The following RTN4IP1 variants were observed in gnomAD, a reference collection of about 807,000 sequenced individuals.
RTN4IP1 encodes the protein NAD(P)H oxidoreductase RTN4IP1, mitochondrial.
Under a neutral mutation model 46.6 loss-of-function variants are expected in RTN4IP1, and 32 were observed. The observed-to-expected ratio is 0.69, with a 90% CI of 0.52 to 0.92. RTN4IP1 has a LOEUF of 0.92. Among genes scored for constraint, RTN4IP1 ranks in the 40% least tolerant of loss-of-function variants. RTN4IP1 has a pLI of 0.00. For synonymous variants in RTN4IP1, 167 were observed against 161.8 expected (o/e 1.03, Z -0.24); for missense variants, 424 against 485.8 (o/e 0.87, Z 1.20).
chr6:106,574,019 C>T (rs1296081932), intron 8 of RTN4IP1, among the ~76,000 whole-genome samples: 1 of 152,220 alleles, frequency 6.6e-6, no homozygotes, highest in Non-Finnish European at 1.5e-5. Context: ...CCACTGCAGC[C>T]ACTATTAACT....
chr6:106,610,139 G>C (rs1736477675), intron 4 of RTN4IP1, among the ~76,000 whole-genome samples: 1 of 151,950 alleles, frequency 6.6e-6, no homozygotes, highest in South Asian at 2.1e-4. Context: ...TCAGCTCACT[G>C]CAACCTCCGC....
intron 1 of RTN4IP1, among the ~76,000 whole-genome samples, chr6:106,624,574 C>A (rs1480690932): frequency 6.7e-6 from 1 of 149,682 alleles, no homozygotes; most frequent in Non-Finnish European, 1.5e-5. Flanking sequence ...TAGGCTCAAG[C>A]GATCCACCCA....
At chr6:106,591,011 C>T (rs1369499233) in intron 6 of RTN4IP1, among the ~76,000 whole-genome samples, 7 of 152,202 alleles carry the variant, frequency 4.6e-5, no homozygotes, top group Non-Finnish European at 1.5e-5. Context: ...CTACATGCTA[C>T]TACACTCTTC....
chr6:106,627,247 T>C (rs1189955320), intron 1 of RTN4IP1, among the ~76,000 whole-genome samples: 1 of 152,210 alleles, frequency 6.6e-6, no homozygotes, highest in Admixed American at 6.5e-5. Flanking sequence ...TACAGTGTTA[T>C]ATTATTAAAC....
chr6:106,586,023 A>T (rs1415469242), intron 7 of RTN4IP1, among the ~76,000 whole-genome samples: 3 of 152,194 alleles, frequency 2.0e-5, no homozygotes, highest in Non-Finnish European at 4.4e-5. Flanking sequence ...GTCTGAATCA[A>T]ATGAAAATAA....
intron 1 of RTN4IP1, among the ~76,000 whole-genome samples, chr6:106,625,752 C>T (rs1354428208): frequency 1.3e-5 from 2 of 150,548 alleles, no homozygotes; most frequent in Non-Finnish European, 3.0e-5. Context: ...CAACTTCCGC[C>T]TCCCGGGTTC....
At chr6:106,604,141 G>A (rs933372356) in intron 4 of RTN4IP1, among the ~76,000 whole-genome samples, 5 of 152,094 alleles carry the variant, frequency 3.3e-5, no homozygotes, top group South Asian at 2.1e-4. Context: ...CTTGGAACAC[G>A]CATTCTATCT....
At chr6:106,629,507 C>T (rs1776758372), upstream of RTN4IP1, 1 of 871,330 alleles carries the variant, frequency 1.1e-6, no homozygotes, top group Non-Finnish European at 1.7e-6. Context: ...GCGGCGCCAA[C>T]CAATCGCCTA....
rs112055702 is a variant in RTN4IP1, at chr6:106,612,855, G to A, written c.620+6347C>T. On this transcript the variant is annotated intron_variant, in intron 4 of 8. Coordinates refer to ENST00000369063, the MANE Select transcript of RTN4IP1 (RefSeq NM_032730.5). Reference sequence around the variant, plus strand: ...GGCTAACCCTAGCCAATAGGGGAATGACAGAGTAGCAGGGGCCACGTGCAT... The same window carrying A: ...GGCTAACCCTAGCCAATAGGGGAATAACAGAGTAGCAGGGGCCACGTGCAT... Among the ~76,000 whole-genome samples, 516 of 152,310 alleles carry A rather than the reference G, an allele frequency of 3.4e-3. 6 individuals are homozygous for A. The highest frequency in any genetic ancestry group is 0.012 in the African/African-American group (484 of 41,570).
intron 1 of RTN4IP1, among the ~76,000 whole-genome samples, chr6:106,623,430 G>C (rs551489221): frequency 6.6e-6 from 1 of 152,172 alleles, no homozygotes; most frequent in Non-Finnish European, 1.5e-5. Context: ...AAAATAACTA[G>C]TGGGTATGAG....
At chr6:106,621,050 G>A (rs1000854806) in intron 3 of RTN4IP1, among the ~76,000 whole-genome samples, 4 of 152,118 alleles carry the variant, frequency 2.6e-5, no homozygotes, top group African/African-American at 9.6e-5. Context: ...GACTGTATTT[G>A]ATTAGACTCC....
chr6:106,580,350 G>A (rs963284935), intron 8 of RTN4IP1, among the ~76,000 whole-genome samples: 1 of 152,130 alleles, frequency 6.6e-6, no homozygotes, highest in Admixed American at 6.5e-5. Flanking sequence ...GAGAGAAGGG[G>A]CCTAGAAGGT....
At chr6:106,575,029 GCAAA>G (rs1775189981) in intron 8 of RTN4IP1, among the ~76,000 whole-genome samples, 1 of 152,218 alleles carries the variant, frequency 6.6e-6, no homozygotes, top group African/African-American at 2.4e-5. Flanking sequence ...ATCTGTGACA[GCAAA>G]CAGAGATTAA....
intron 4 of RTN4IP1, among the ~76,000 whole-genome samples, chr6:106,605,424 C>CA (rs1343572337): frequency 0.099 from 10,374 of 104,962 alleles, 509 homozygotes; most frequent in East Asian, 0.23. Context: ...GACCCTGTCT[C>CA]AAAAAAAAAA....
chr6:106,616,597 T>A (rs950110071), intron 4 of RTN4IP1, among the ~76,000 whole-genome samples: 2 of 152,236 alleles, frequency 1.3e-5, no homozygotes, highest in Non-Finnish European at 2.9e-5. Context: ...AAAAGAACAG[T>A]TATTGCTTAG....
intron 2 of RTN4IP1, 93 bp from the exon 3 acceptor site, chr6:106,621,586 G>A: frequency 9.9e-7 from 1 of 1,010,240 alleles, no homozygotes. Flanking sequence ...TATACCCTGT[G>A]CTGTGAAAAA....
intron 5 of RTN4IP1, among the ~76,000 whole-genome samples, chr6:106,599,451 CTT>C (rs11392355): frequency 7.0e-6 from 1 of 143,178 alleles, no homozygotes. Context: ...ACCCTTTTTG[CTT>C]TTTTTTTTTT....
In RTN4IP1 at chr6:106,572,064, C is replaced by CTT. The variant is rs762724407; in HGVS notation, c.1121_1122dup (p.Val375LysfsTer7). The CTT allele has an allele frequency of 6.2e-7, 1 of 1,614,100 alleles. No individual in the cohort carries two copies. Among genetic ancestry groups the CTT allele is most frequent in the Non-Finnish European group, 8.5e-7 (1 of 1,179,970 alleles). ...TCCACCTTCAGGAAGGCTTCTGGAA[C>CTT]TTTAGAAAAAGGAAAGGTTTGTTCA... On this transcript the variant is annotated frameshift_variant, in exon 9 of 9. Coordinates refer to ENST00000369063, the MANE Select transcript of RTN4IP1 (RefSeq NM_032730.5). LOFTEE classifies it high-confidence loss of function.
At chr6:106,575,136 G>A (rs116381352) in intron 8 of RTN4IP1, among the ~76,000 whole-genome samples, 1 of 152,200 alleles carries the variant, frequency 6.6e-6, no homozygotes, top group African/African-American at 2.4e-5. Flanking sequence ...AAATACAGAG[G>A]GGGGAAAGAA....
Sources: allele counts gnomAD v4.1 joint callset (sites outside exome capture counted in the v4.1 genomes callset), GRCh38; gene constraint gnomAD v4.1.1; transcripts MANE v1.5; gene names NCBI Gene and HGNC (gene_info 2026-07-23, HGNC 2026-07-21).